RARB: variants seen among roughly 807,000 people sequenced by gnomAD.
The protein encoded by RARB is retinoic acid receptor beta.
A neutral mutation model predicts 51.9 loss-of-function variants in RARB; 17 were observed. The ratio of observed to expected loss-of-function variants is 0.33; its 90% CI spans 0.22 to 0.49. The LOEUF is 0.49. RARB is among the 20% of genes least tolerant of loss of function. RARB has a pLI of 0.99. For synonymous variants in RARB, 215 were observed against 195.4 expected (o/e 1.10, Z -0.84); for missense variants, 369 against 550.8 (o/e 0.67, Z 3.30).
At chr3:25,140,890 C>T (rs943228388) in intron 4 of RARB, among the ~76,000 whole-genome samples, 13 of 152,118 alleles carry the variant, frequency 8.5e-5, no homozygotes, top group Admixed American at 8.5e-4. Context: ...ACTGAAGGCT[C>T]AGGTGATCAT....
intron 3 of RARB, among the ~76,000 whole-genome samples, chr3:25,064,490 G>A (rs1698618544): frequency 1.3e-5 from 2 of 152,044 alleles, no homozygotes; most frequent in African/African-American, 4.8e-5. Context: ...CCTGCTTAGT[G>A]CTCACTGAAA....
intron 5 of RARB, among the ~76,000 whole-genome samples, chr3:25,369,171 A>C (rs575314043): frequency 7.4e-4 from 112 of 152,336 alleles, no homozygotes; most frequent in African/African-American, 2.6e-3. Flanking sequence ...TCAAAAATAC[A>C]GTATACAGTT....
At chr3:25,413,908 ACATT>A (rs746722413) in intron 5 of RARB, among the ~76,000 whole-genome samples, 1 of 152,170 alleles carries the variant, frequency 6.6e-6, no homozygotes, top group Non-Finnish European at 1.5e-5. Context: ...GTTGTAATTG[ACATT>A]CAATAAACTG....
chr3:25,122,853 C>G (rs1489240473), intron 3 of RARB, among the ~76,000 whole-genome samples: 1 of 152,116 alleles, frequency 6.6e-6, no homozygotes, highest in Non-Finnish European at 1.5e-5. Flanking sequence ...CCAAAATGCC[C>G]CAAACGGTTA....
rs539525650 is a variant in RARB, at chr3:25,079,270, A to G, written c.-328+19094A>G. ...AAATTTACTTACACATTTTTAATAA[A>G]TATCTTAGCCCTTGTAATGGACAAA... On this transcript the variant is annotated intron_variant, in intron 3 of 11. Transcript: ENST00000383772. 2.4e-3 allele frequency among the ~76,000 whole-genome samples: 358 copies of G among 152,282 alleles called. 2 individuals are homozygous for G. The highest frequency in any genetic ancestry group is 3.6e-3 in the Non-Finnish European group (247 of 68,000).
chr3:25,338,214 C>T (rs1002678440), intron 5 of RARB, among the ~76,000 whole-genome samples: 2 of 152,026 alleles, frequency 1.3e-5, no homozygotes, highest in Admixed American at 6.6e-5. Flanking sequence ...CATAAAAGCC[C>T]TAATTTCCTA....
At chr3:25,237,350 T>C (rs932246236) in intron 5 of RARB, among the ~76,000 whole-genome samples, 6 of 152,128 alleles carry the variant, frequency 3.9e-5, no homozygotes, top group African/African-American at 1.4e-4. Context: ...TTTTAATAAA[T>C]ATTCTGCTTT....
chr3:25,285,482 C>G lies in RARB; in HGVS notation c.178+110907C>G, dbSNP rs1164233162. Among the ~76,000 whole-genome samples the G allele has an allele frequency of 2.0e-5, 3 of 152,248 alleles. No individual in the cohort carries two copies. In the East Asian group the frequency reaches 5.8e-4, roughly 29 times the overall value. ...AGGGGGCTGTTGGTAGTGACATGAT[C>G]ACTTCAGAAAGGTAACTTTGGCTGC... On this transcript the variant is annotated intron_variant, in intron 5 of 11. Transcript: ENST00000383772.
At chr3:25,116,935 G>A (rs1451148699) in intron 3 of RARB, among the ~76,000 whole-genome samples, 1 of 152,102 alleles carries the variant, frequency 6.6e-6, no homozygotes, top group Non-Finnish European at 1.5e-5. Flanking sequence ...GCATAGACAA[G>A]AAGTAAGCAA....
chr3:24,980,283 G>T (rs75331929), intron 2 of RARB, among the ~76,000 whole-genome samples: 1 of 152,080 alleles, frequency 6.6e-6, no homozygotes, highest in Non-Finnish European at 1.5e-5. Context: ...TCTTTGTGGT[G>T]TTCTCTGTAT....
intron 3 of RARB, among the ~76,000 whole-genome samples, chr3:25,567,820 GA>G (rs1274967541): frequency 6.6e-6 from 1 of 152,142 alleles, no homozygotes; most frequent in African/African-American, 2.4e-5. Context: ...CCGAGGAAAA[GA>G]GGGGGGTCTG....
At chr3:25,116,343 A>T (rs1382968208) in intron 3 of RARB, among the ~76,000 whole-genome samples, 1 of 151,664 alleles carries the variant, frequency 6.6e-6, no homozygotes, top group Admixed American at 6.6e-5. Context: ...GTAATCAGCC[A>T]CCCTTCCCTT....
chr3:25,063,312 A>G (rs767229372), intron 3 of RARB, among the ~76,000 whole-genome samples: 1 of 151,984 alleles, frequency 6.6e-6, no homozygotes, highest in African/African-American at 2.4e-5. Context: ...AGGTGATTTG[A>G]AGGTGTTATG....
intron 5 of RARB, among the ~76,000 whole-genome samples, chr3:25,329,270 A>C (rs1704819356): frequency 6.6e-6 from 1 of 152,076 alleles, no homozygotes; most frequent in South Asian, 2.1e-4. Flanking sequence ...GGGAGGCACC[A>C]CCCAGTAGGG....
chr3:25,257,417 A>G (rs1213822517), intron 5 of RARB, among the ~76,000 whole-genome samples: 1 of 152,066 alleles, frequency 6.6e-6, no homozygotes, highest in Non-Finnish European at 1.5e-5. Context: ...ATAGAGATGT[A>G]ATAATTGTCT....
intron 3 of RARB, among the ~76,000 whole-genome samples, chr3:25,564,639 T>G (rs907004514): frequency 6.6e-6 from 1 of 152,182 alleles, no homozygotes; most frequent in African/African-American, 2.4e-5. Context: ...CAAAACAGTT[T>G]TGAGGCCCCC....
intron 5 of RARB, among the ~76,000 whole-genome samples, chr3:25,409,682 G>A (rs1707509401): frequency 6.6e-6 from 1 of 152,206 alleles, no homozygotes; most frequent in Non-Finnish European, 1.5e-5. Flanking sequence ...AGGACTTTGT[G>A]TTGATGACCT....
At chr3:25,400,962 T>C (rs1325192504) in intron 5 of RARB, among the ~76,000 whole-genome samples, 1 of 152,162 alleles carries the variant, frequency 6.6e-6, no homozygotes, top group Non-Finnish European at 1.5e-5. Flanking sequence ...CTCCAAGATT[T>C]TGAGGGGTCA....
chr3:24,842,109 G>T (rs1412415969), intron 1 of RARB, among the ~76,000 whole-genome samples: 1 of 152,158 alleles, frequency 6.6e-6, no homozygotes, highest in African/African-American at 2.4e-5. Flanking sequence ...GTAATAGAAT[G>T]AAGTAGGGAG....
Sources: allele counts gnomAD v4.1 joint callset (sites outside exome capture counted in the v4.1 genomes callset), GRCh38; gene constraint gnomAD v4.1.1; transcripts MANE v1.5; gene names NCBI Gene and HGNC (gene_info 2026-07-23, HGNC 2026-07-21).